DNM3: variants seen among roughly 807,000 people sequenced by gnomAD.
DNM3 encodes dynamin 3.
Under a neutral mutation model 101.6 loss-of-function variants are expected in DNM3, and 47 were observed. That is an observed-to-expected ratio of 0.46 (90% CI 0.37 to 0.59). DNM3 has a LOEUF of 0.59. Ranked by LOEUF, DNM3 falls within the 20% of genes least tolerant of loss-of-function variation. The pLI is 0.00. For missense variants in DNM3, 849 were observed against 1,085.7 expected (o/e 0.78, Z 3.06); for synonymous variants, 385 against 387.9 (o/e 0.99, Z 0.09).
intron 2 of DNM3, among the ~76,000 whole-genome samples, chr1:171,977,269 G>C (rs181139174): frequency 6.4e-4 from 97 of 152,304 alleles, no homozygotes; most frequent in African/African-American, 2.2e-3. Flanking sequence ...CAGGGTCCCA[G>C]CCTTATTCTG....
chr1:172,202,062 A>G (rs116576482), intron 14 of DNM3, among the ~76,000 whole-genome samples: 386 of 151,680 alleles, frequency 2.5e-3, no homozygotes, highest in Non-Finnish European at 3.7e-3. Flanking sequence ...GGATCAAGTT[A>G]TTTTCTTGAT....
At chr1:171,850,224 T>C (rs1341627317) in intron 1 of DNM3, among the ~76,000 whole-genome samples, 1 of 152,204 alleles carries the variant, frequency 6.6e-6, no homozygotes, top group African/African-American at 2.4e-5. Flanking sequence ...GATGTTGAAA[T>C]AATACCAAAT....
chr1:171,979,862 C>G (rs760235490), intron 2 of DNM3, among the ~76,000 whole-genome samples: 1 of 152,200 alleles, frequency 6.6e-6, no homozygotes, highest in Non-Finnish European at 1.5e-5. Flanking sequence ...AACAGCTCTG[C>G]CTTCCATTCC....
In DNM3 at chr1:172,104,871, G is replaced by A. The variant is rs74123796; in HGVS notation, c.1545+11996G>A. Among the ~76,000 whole-genome samples, 623 of 152,262 alleles carry A rather than the reference G, an allele frequency of 4.1e-3. 5 individuals are homozygous for A. Among genetic ancestry groups the A allele is most frequent in the African/African-American group, 0.014 (579 of 41,542 alleles). ...GCACTAACTTACAGAGCAGAGTATA[G>A]AGGCTAAGAGCATAGAATCTGCAAA... On this transcript the variant is annotated intron_variant, in intron 13 of 20. Transcript: ENST00000627582.
At chr1:171,954,869 T>C (rs1259047055) in intron 2 of DNM3, among the ~76,000 whole-genome samples, 1 of 152,222 alleles carries the variant, frequency 6.6e-6, no homozygotes, top group East Asian at 1.9e-4. Flanking sequence ...GCTAAAAATA[T>C]GTTTTCAGCA....
At chr1:172,046,797 G>T (rs190383243) in intron 9 of DNM3, among the ~76,000 whole-genome samples, 2 of 152,126 alleles carry the variant, frequency 1.3e-5, no homozygotes, top group East Asian at 1.9e-4. Flanking sequence ...GGGCAGATTT[G>T]GTATTTGGAC....
At chr1:172,182,081 C>T (rs2059369309) in intron 14 of DNM3, among the ~76,000 whole-genome samples, 1 of 151,592 alleles carries the variant, frequency 6.6e-6, no homozygotes, top group African/African-American at 2.4e-5. Context: ...CGAACTGGAA[C>T]TTTTTACTAT....
intron 1 of DNM3, among the ~76,000 whole-genome samples, chr1:171,857,156 A>G (rs2033695245): frequency 6.6e-6 from 1 of 152,166 alleles, no homozygotes; most frequent in Non-Finnish European, 1.5e-5. Flanking sequence ...GCTGTTAATG[A>G]TTTGTAAGAG....
intron 15 of DNM3, chr1:172,289,531 A>G: frequency 2.1e-6 from 2 of 931,618 alleles, no homozygotes; most frequent in Non-Finnish European, 2.6e-6. Flanking sequence ...TAGAGAAGAA[A>G]CTCCTAAATG....
chr1:172,374,397 T>C (rs910308816), intron 17 of DNM3, among the ~76,000 whole-genome samples: 7 of 152,056 alleles, frequency 4.6e-5, no homozygotes, highest in Admixed American at 6.6e-5. Context: ...CAGTATTCAG[T>C]GAACATCAGG....
At chr1:172,313,415 T>G (rs1394477112) in intron 16 of DNM3, among the ~76,000 whole-genome samples, 5 of 152,264 alleles carry the variant, frequency 3.3e-5, no homozygotes, top group African/African-American at 1.2e-4. Context: ...TGATTTAATA[T>G]CTAAAGAACA....
intron 2 of DNM3, among the ~76,000 whole-genome samples, chr1:171,984,713 C>A (rs1490311520): frequency 6.6e-6 from 1 of 152,136 alleles, no homozygotes; most frequent in African/African-American, 2.4e-5. Flanking sequence ...GCTTCGTGAG[C>A]CTAGAGACTT....
At chr1:171,904,153 G>GA (rs35034472) in intron 1 of DNM3, among the ~76,000 whole-genome samples, 38,119 of 135,234 alleles carry the variant, frequency 0.28, 5,087 homozygotes, top group Admixed American at 0.35. Flanking sequence ...TCAAAAAATA[G>GA]AAAAAAAAAA....
At chr1:171,850,394 C>T (rs2032787028) in intron 1 of DNM3, among the ~76,000 whole-genome samples, 1 of 151,990 alleles carries the variant, frequency 6.6e-6, no homozygotes, top group African/African-American at 2.4e-5. Context: ...AAAAGAATAG[C>T]TTTGGGTTTC....
At chr1:172,281,485 C>T (rs955954784) in intron 15 of DNM3, among the ~76,000 whole-genome samples, 3 of 152,116 alleles carry the variant, frequency 2.0e-5, no homozygotes, top group African/African-American at 7.2e-5. Flanking sequence ...CATTCTTGAG[C>T]CATATGGAGC....
intron 13 of DNM3, among the ~76,000 whole-genome samples, chr1:172,107,017 C>T (rs994140224): frequency 6.7e-6 from 1 of 149,502 alleles, no homozygotes; most frequent in Non-Finnish European, 1.5e-5. Flanking sequence ...CCCGCCACCG[C>T]GCCCGGCTAA....
intron 12 of DNM3, among the ~76,000 whole-genome samples, chr1:172,084,738 A>G (rs1240269813): frequency 2.0e-5 from 3 of 152,152 alleles, no homozygotes; most frequent in African/African-American, 7.2e-5. Context: ...AAGACAGAAA[A>G]TTAAGGTCTG....
At chr1:172,237,535 C>T (rs549922056) in intron 14 of DNM3, among the ~76,000 whole-genome samples, 6 of 152,194 alleles carry the variant, frequency 3.9e-5, no homozygotes, top group South Asian at 4.2e-4. Context: ...TCAACCCTTT[C>T]GAGAGAATTC....
chr1:171,918,969 T>G (rs1309698961), intron 1 of DNM3, among the ~76,000 whole-genome samples: 1 of 152,180 alleles, frequency 6.6e-6, no homozygotes, highest in African/African-American at 2.4e-5. Flanking sequence ...TTTTTCTTCT[T>G]TCTTCTCTCT....
Sources: allele counts gnomAD v4.1 joint callset (sites outside exome capture counted in the v4.1 genomes callset), GRCh38; gene constraint gnomAD v4.1.1; transcripts MANE v1.5; gene names NCBI Gene and HGNC (gene_info 2026-07-23, HGNC 2026-07-21).